Variants in TMEM200A observed in about 807,000 individuals in gnomAD.
TMEM200A encodes two transmembrane C.
TMEM200A carries 12 observed loss-of-function variants against 24.3 expected under a neutral mutation model. The observed-to-expected ratio is 0.49, with a 90% CI of 0.32 to 0.80. The LOEUF is 0.80. Among genes scored for constraint, TMEM200A ranks in the 30% least tolerant of loss-of-function variants. The pLI, the probability that TMEM200A is intolerant of heterozygous loss-of-function variation, is 0.04. For synonymous variants in TMEM200A, 224 were observed against 224.4 expected (o/e 1.00, Z 0.02); for missense variants, 545 against 614.4 (o/e 0.89, Z 1.19).
At chr6:130,368,928 G>A (rs1021770864) in intron 1 of TMEM200A, among the ~76,000 whole-genome samples, 3 of 152,150 alleles carry the variant, frequency 2.0e-5, no homozygotes, top group Non-Finnish European at 2.9e-5. Context: ...TTGGACTGAC[G>A]ATCTTTATGG....
At chr6:130,370,846 T>C (rs1778305594) in intron 1 of TMEM200A, among the ~76,000 whole-genome samples, 1 of 152,094 alleles carries the variant, frequency 6.6e-6, no homozygotes, top group African/African-American at 2.4e-5. Flanking sequence ...GATGATGAGA[T>C]TGGATACCCC....
intron 1 of TMEM200A, among the ~76,000 whole-genome samples, chr6:130,384,017 G>A (rs1439117226): frequency 6.6e-6 from 1 of 152,124 alleles, no homozygotes; most frequent in African/African-American, 2.4e-5. Context: ...CTACTTGGGT[G>A]GCTGAGGCAC....
At chr6:130,419,927 A>G (rs1341177717) in intron 2 of TMEM200A, among the ~76,000 whole-genome samples, 2 of 152,196 alleles carry the variant, frequency 1.3e-5, no homozygotes, top group African/African-American at 2.4e-5. Context: ...AGCTTCCAAG[A>G]TGGTGCCACA....
intron 2 of TMEM200A, chr6:130,437,368 T>G (rs1021935250): frequency 2.0e-5 from 3 of 152,298 alleles, no homozygotes; most frequent in Admixed American, 2.0e-4. Context: ...ATTCTAGGAG[T>G]TACCTCATTC....
At chr6:130,401,432 TCTTTCC>T (rs1226187741) in intron 2 of TMEM200A, among the ~76,000 whole-genome samples, 165 of 148,924 alleles carry the variant, frequency 1.1e-3, no homozygotes, top group African/African-American at 3.9e-3. Flanking sequence ...TTTCTTTCTC[TCTTTCC>T]TTCCTTCCTT....
At chr6:130,376,468 A>C (rs1192080116) in intron 1 of TMEM200A, among the ~76,000 whole-genome samples, 1 of 152,100 alleles carries the variant, frequency 6.6e-6, no homozygotes, top group African/African-American at 2.4e-5. Flanking sequence ...TTTTTAGTAG[A>C]GATGAGGTTT....
chr6:130,432,857 T>C (rs1779910539), intron 2 of TMEM200A, among the ~76,000 whole-genome samples: 1 of 152,192 alleles, frequency 6.6e-6, no homozygotes, highest in African/African-American at 2.4e-5. Context: ...ATACCCATTT[T>C]ACAAATGAAG....
chr6:130,395,195 T>G (rs772893438), intron 2 of TMEM200A, among the ~76,000 whole-genome samples: 2 of 152,218 alleles, frequency 1.3e-5, no homozygotes, highest in Non-Finnish European at 2.9e-5. Flanking sequence ...ACACAGAAGA[T>G]TCTGACAAGC....
chr6:130,393,817 A>G (rs1477448000), intron 2 of TMEM200A, among the ~76,000 whole-genome samples: 3 of 152,242 alleles, frequency 2.0e-5, no homozygotes, highest in Non-Finnish European at 4.4e-5. Context: ...AAAAGAAGAA[A>G]TCCTGATCCA....
At chr6:130,440,350 G>A (rs1324452739) in intron 2 of TMEM200A, 57 bp from the exon 3 acceptor site, 7 of 1,455,306 alleles carry the variant, frequency 4.8e-6, no homozygotes, top group Non-Finnish European at 6.3e-6. Context: ...TTGAACTGAT[G>A]CTCATACCCC....
Position 130,441,050 on chromosome 6 carries a change from A to T in TMEM200A, c.628A>T (p.Ile210Phe), listed in dbSNP as rs1780154802. ...TGCCTCGAGATTGGCAGCAAATACGATCGCCTCTTTCTCGGGTTTTCGGAG... is the reference window on the plus strand; with the variant it reads ...TGCCTCGAGATTGGCAGCAAATACGTTCGCCTCTTTCTCGGGTTTTCGGAG... ...SCASRLAANTIASFSGFRSSF... is the reference protein window; with the variant it reads ...SCASRLAANTFASFSGFRSSF... The change falls in exon 3 of 3, where the codon ATC becomes TTC. Residue 210 changes from isoleucine (I) to phenylalanine (F), a missense_variant. Coordinates refer to ENST00000296978, the MANE Select transcript of TMEM200A (RefSeq NM_001258277.2). 6.2e-7 allele frequency: 1 copy of T among 1,613,966 alleles called. No individual in the cohort carries two copies. Among genetic ancestry groups the T allele is most frequent in the Non-Finnish European group, 8.5e-7 (1 of 1,179,978 alleles).
At chr6:130,432,561 A>G (rs1733664382) in intron 2 of TMEM200A, among the ~76,000 whole-genome samples, 2 of 152,228 alleles carry the variant, frequency 1.3e-5, no homozygotes, top group South Asian at 2.1e-4. Context: ...CTACCTCTCC[A>G]TGGACAGAAA....
At chr6:130,422,754 A>C (rs904406147) in intron 2 of TMEM200A, among the ~76,000 whole-genome samples, 2 of 152,198 alleles carry the variant, frequency 1.3e-5, no homozygotes, top group African/African-American at 4.8e-5. Context: ...CCCACTCAGC[A>C]TTTAATGCAA....
At position 130,371,178 on chromosome 6, in the gene TMEM200A, G is replaced by T. The variant is rs920016533; in HGVS notation, c.-81+4654G>T. On this transcript the variant is annotated intron_variant, in intron 1 of 2. Transcript: ENST00000296978. ...AGGAAGACATCCTGGGCCAGTAGGT[G>T]AAATGGCTATGCGTGGTAGATAGGT... Among the ~76,000 whole-genome samples the T allele has an allele frequency of 2.0e-5, 3 of 152,144 alleles. No individual in the cohort carries two copies. The East Asian group carries it at 5.8e-4, about 29-fold the overall frequency.
Position 130,441,913 on chromosome 6 carries a change from A to G in TMEM200A, c.*15A>G. 1 of 1,575,126 alleles carries G rather than the reference A, an allele frequency of 6.3e-7. No homozygotes were observed. Among genetic ancestry groups the G allele is most frequent in the South Asian group, 1.2e-5 (1 of 83,352 alleles). ...CAAGGTTTTAATGTTAAAAGAATATATCATTTTACAAGGGTATATATTTTA... is the reference window on the plus strand; with the variant it reads ...CAAGGTTTTAATGTTAAAAGAATATGTCATTTTACAAGGGTATATATTTTA... On this transcript the variant is annotated 3_prime_UTR_variant, in exon 3 of 3. Coordinates refer to ENST00000296978, the MANE Select transcript of TMEM200A (RefSeq NM_001258277.2).
intron 2 of TMEM200A, among the ~76,000 whole-genome samples, chr6:130,421,510 T>TGTGTGTG (rs1779588340): frequency 6.7e-6 from 1 of 148,928 alleles, no homozygotes; most frequent in South Asian, 2.1e-4. Context: ...ACAGTTACCT[T>TGTGTGTG]TGTGTGTGTG....
At chr6:130,406,915 C>G (rs140177130) in intron 2 of TMEM200A, among the ~76,000 whole-genome samples, 1 of 152,288 alleles carries the variant, frequency 6.6e-6, no homozygotes, top group Non-Finnish European at 1.5e-5. Flanking sequence ...TTTAAACTTT[C>G]TCCTTTCGTT....
At position 130,381,716 on chromosome 6, in the gene TMEM200A, T is replaced by C. The variant is rs116701007; in HGVS notation, c.-80-3457T>C. On this transcript the variant is annotated intron_variant, in intron 1 of 2. Transcript: ENST00000296978. Reference sequence around the variant, plus strand: ...GGATGATGGGAGGCTACCTCTTTGTTGTTGTTGTTGTTGTTGAGATGCACA... The same window carrying C: ...GGATGATGGGAGGCTACCTCTTTGTCGTTGTTGTTGTTGTTGAGATGCACA... 1.8e-3 allele frequency among the ~76,000 whole-genome samples: 278 copies of C among 152,358 alleles called. 2 individuals carry two copies. Among genetic ancestry groups the C allele is most frequent in the African/African-American group, 6.1e-3 (253 of 41,588 alleles).
chr6:130,401,437 CCT>C (rs1779083730), intron 2 of TMEM200A, among the ~76,000 whole-genome samples: 1 of 77,318 alleles, frequency 1.3e-5, no homozygotes, highest in African/African-American at 1.6e-4. Flanking sequence ...TTCTCTCTTT[CCT>C]TCCTTCCTTC....
Sources: gnomAD v4.1 joint callset for allele counts (sites outside exome capture counted in the v4.1 genomes callset) on GRCh38, gnomAD v4.1.1 for gene constraint, MANE v1.5 for transcripts, NCBI Gene and HGNC (gene_info 2026-07-23, HGNC 2026-07-21) for gene names.